PPP1R13B: variants seen among roughly 807,000 people sequenced by gnomAD.
PPP1R13B encodes the protein protein phosphatase 1 regulatory subunit 13B.
A neutral mutation model predicts 119.8 loss-of-function variants in PPP1R13B; 44 were observed. That is an observed-to-expected ratio of 0.37 (90% CI 0.29 to 0.47). PPP1R13B has a LOEUF of 0.47. Among genes scored for constraint, PPP1R13B ranks in the 20% least tolerant of loss-of-function variants. The probability of loss-of-function intolerance (pLI) is 0.99; values close to 1 mark genes in which losing one functional copy is unlikely to be tolerated. For synonymous variants in PPP1R13B, 542 were observed against 561.5 expected (o/e 0.97, Z 0.49); for missense variants, 1,227 against 1,413.5 (o/e 0.87, Z 2.12).
rs191471098 is a variant in PPP1R13B at position 103,742,280 on chromosome 14, A to C, written c.1332T>G (p.Ile444Met). ...LGPTEKPGIEIGKVPPPIPGV... is the reference protein window; with the variant it reads ...LGPTEKPGIEMGKVPPPIPGV... ...CCGGGATGGGAGGTGGCACTTTACC[A>C]ATCTCGATGCCCTAAGTTTAGGTGT... Residue 444 changes from isoleucine to methionine, a missense_variant, in exon 11 of 17, where the codon ATT becomes ATG. Coordinates refer to ENST00000202556, the MANE Select transcript of PPP1R13B (RefSeq NM_015316.3). The surrounding 1 kb of genome is among the most constrained non-coding windows in gnomAD (Gnocchi z 4.9). 4 of 1,559,178 alleles carry C rather than the reference A, an allele frequency of 2.6e-6. 1 individual carries two copies. In the African/African-American group the frequency reaches 4.1e-5, roughly 16 times the overall value.
Position 103,757,724 on chromosome 14 carries a change from G to A in PPP1R13B, c.382C>T (p.Leu128Phe). 1 of 1,613,978 alleles carries A rather than the reference G, an allele frequency of 6.2e-7. No homozygotes were observed. Among genetic ancestry groups the A allele is most frequent in the Non-Finnish European group, 8.5e-7 (1 of 1,179,942 alleles). ...GVGNPRVELTLSELQDMAARQ... is the reference protein window; with the variant it reads ...GVGNPRVELTFSELQDMAARQ... Reference sequence around the variant, plus strand: ...GCTGCCATATCTTGGAGCTCTGAGAGGGTAAGTTCAACACGTGGATTCCCA... The same window carrying A: ...GCTGCCATATCTTGGAGCTCTGAGAAGGTAAGTTCAACACGTGGATTCCCA... The change falls in exon 5 of 17, where the codon CTC becomes TTC. Residue 128 changes from leucine to phenylalanine, a missense_variant. Transcript: ENST00000202556.
At chr14:103,766,919 C>T (rs2084952674) in intron 4 of PPP1R13B, among the ~76,000 whole-genome samples, 1 of 152,134 alleles carries the variant, frequency 6.6e-6, no homozygotes, top group Admixed American at 6.5e-5. Context: ...TTAATTTCTC[C>T]CCCTTGAAAA....
intron 8 of PPP1R13B, among the ~76,000 whole-genome samples, chr14:103,747,799 A>G (rs2084425194): frequency 6.6e-6 from 1 of 152,198 alleles, no homozygotes; most frequent in Admixed American, 6.5e-5. Flanking sequence ...ACTTAGAATA[A>G]TAGTCTCCAA....
chr14:103,783,953 C>T (rs1022559055), intron 3 of PPP1R13B, among the ~76,000 whole-genome samples: 5 of 152,134 alleles, frequency 3.3e-5, no homozygotes, highest in African/African-American at 1.2e-4. Flanking sequence ...CCAGAACTTT[C>T]TTCTAGTATT....
intron 1 of PPP1R13B, among the ~76,000 whole-genome samples, chr14:103,811,552 G>A (rs1357275659): frequency 1.3e-5 from 2 of 152,138 alleles, no homozygotes; most frequent in African/African-American, 2.4e-5. Flanking sequence ...GCCAGGTGTA[G>A]TAGTGCAGGC....
chr14:103,772,308 T>G (rs1215153136), intron 4 of PPP1R13B, among the ~76,000 whole-genome samples: 4 of 152,262 alleles, frequency 2.6e-5, no homozygotes, highest in African/African-American at 9.6e-5. Flanking sequence ...TGGACAGCCA[T>G]GTACAAGTCT....
At chr14:103,816,532 T>C (rs1034742702) in intron 1 of PPP1R13B, among the ~76,000 whole-genome samples, 3 of 150,042 alleles carry the variant, frequency 2.0e-5, no homozygotes, top group Non-Finnish European at 4.4e-5. Flanking sequence ...GCTAAAAATA[T>C]AAAAATTAGC....
chr14:103,822,310 T>C (rs1300661378), intron 1 of PPP1R13B, among the ~76,000 whole-genome samples: 1 of 152,062 alleles, frequency 6.6e-6, no homozygotes, highest in Non-Finnish European at 1.5e-5. Context: ...AATTTTTGTA[T>C]TTTTAGTAGA....
chr14:103,775,199 T>G (rs1330348031), intron 4 of PPP1R13B, among the ~76,000 whole-genome samples: 2 of 152,140 alleles, frequency 1.3e-5, no homozygotes, highest in Non-Finnish European at 2.9e-5. Context: ...GCCTACTCAA[T>G]GTATCTATTT....
intron 1 of PPP1R13B, among the ~76,000 whole-genome samples, chr14:103,820,669 TTTTTTTG>T (rs2086386934): frequency 6.9e-6 from 1 of 145,630 alleles, no homozygotes; most frequent in Non-Finnish European, 1.5e-5. Context: ...TTTTTTTTTT[TTTTTTTG>T]TAGAGACAGG....
At chr14:103,828,665 C>T (rs770530210) in intron 1 of PPP1R13B, among the ~76,000 whole-genome samples, 5 of 151,984 alleles carry the variant, frequency 3.3e-5, no homozygotes, top group African/African-American at 4.8e-5. Context: ...AAGGACGCCA[C>T]GGAAGGTTAA....
chr14:103,832,224 G>C (rs2086678700), intron 1 of PPP1R13B, among the ~76,000 whole-genome samples: 1 of 152,078 alleles, frequency 6.6e-6, no homozygotes, highest in South Asian at 2.1e-4. Flanking sequence ...TCATCATGAG[G>C]AACTTTAACT....
chr14:103,779,262 G>C (rs558648033), intron 3 of PPP1R13B, among the ~76,000 whole-genome samples: 1 of 152,028 alleles, frequency 6.6e-6, no homozygotes, highest in Non-Finnish European at 1.5e-5. Context: ...GCACAATCTT[G>C]CTCTGTTGCA....
chr14:103,742,948 G>C lies in PPP1R13B; in HGVS notation c.1151-125C>G. On this transcript the variant is annotated intron_variant, in intron 9 of 16. Transcript: ENST00000202556. The surrounding 1 kb of genome is among the most constrained non-coding windows in gnomAD (Gnocchi z 4.9). The stretch of plus-strand genomic sequence containing the variant: ...CCATTCTGATGCAGATCCATTAACC[G>C]AGTGGTCAACCACCAGCCACATGCA... The C allele has an allele frequency of 8.8e-7, 1 of 1,140,054 alleles. No individual in the cohort carries two copies. The highest frequency in any genetic ancestry group is 1.2e-6 in the Non-Finnish European group (1 of 800,148). The allele number at this position is 1,140,054 out of a possible 1,614,324, so 70.6% of individuals were successfully genotyped here.
intron 1 of PPP1R13B, among the ~76,000 whole-genome samples, chr14:103,801,273 T>C (rs1451259213): frequency 6.6e-6 from 1 of 152,132 alleles, no homozygotes; most frequent in Non-Finnish European, 1.5e-5. Context: ...AGGAGATAGG[T>C]TTCTTAACTG....
chr14:103,733,777 A>C lies in PPP1R13B; in HGVS notation c.*1377T>G, dbSNP rs2084013351. The C allele has an allele frequency of 6.6e-6, 1 of 152,306 alleles. No homozygotes were observed. The highest frequency in any genetic ancestry group is 2.1e-4 in the South Asian group (1 of 4,828). The allele number at this position is 152,306 out of a possible 1,614,324, so 9.4% of individuals were successfully genotyped here. On this transcript the variant is annotated 3_prime_UTR_variant, in exon 17 of 17. Coordinates refer to ENST00000202556, the MANE Select transcript of PPP1R13B (RefSeq NM_015316.3). ...CCGGGGTGAGACGGGTTTATTGTGC[A>C]CATTTACACAGCGTCAGCAGCGTCT...
rs1412252644 is a variant in PPP1R13B, at chr14:103,740,205, C to T, written c.2211G>A (p.Met737Ile). ...TGGGCTGGTAGAAAGGGGTGCCCTC[C>T]ATGCCACCGGCCAGGGTGTTGAAGC... ...YQRFNTLAGG[M>I]EGTPFYQPSP... The change falls in exon 12 of 17, where the codon ATG becomes ATA. Residue 737 changes from methionine to isoleucine, a missense_variant. By Grantham distance (10) the Met-to-Ile change is conservative. Transcript: ENST00000202556. The surrounding 1 kb of genome is among the most constrained non-coding windows in gnomAD (Gnocchi z 4.6). The T allele has an allele frequency of 6.2e-7, 1 of 1,613,840 alleles. No homozygotes were observed. Among genetic ancestry groups the T allele is most frequent in the Non-Finnish European group, 8.5e-7 (1 of 1,179,976 alleles).
At chr14:103,839,601 T>C (rs1429859693) in intron 1 of PPP1R13B, among the ~76,000 whole-genome samples, 3 of 147,926 alleles carry the variant, frequency 2.0e-5, no homozygotes, top group Non-Finnish European at 4.5e-5. Context: ...CACTCCAACC[T>C]GGGCAACAAG....
chr14:103,793,275 C>T (rs575833599), intron 2 of PPP1R13B, among the ~76,000 whole-genome samples: 17 of 152,282 alleles, frequency 1.1e-4, no homozygotes, highest in Admixed American at 7.9e-4. Flanking sequence ...ACCCAAATCT[C>T]ATCTTGAATT....
Sources: gnomAD v4.1 joint callset for allele counts (sites outside exome capture counted in the v4.1 genomes callset) on GRCh38, gnomAD v4.1.1 for gene constraint, Gnocchi (gnomAD v3.1) non-coding constraint, MANE v1.5 for transcripts, NCBI Gene and HGNC (gene_info 2026-07-23, HGNC 2026-07-21) for gene names.